CHTF18: variants seen among roughly 807,000 people sequenced by gnomAD.
The protein encoded by CHTF18 is chromosome transmission fidelity factor 18.
In CHTF18, 151 loss-of-function variants were observed where a neutral mutation model predicts 113.4. The observed-to-expected ratio is 1.33, with a 90% CI of 1.17 to 1.52. The LOEUF (loss-of-function observed/expected upper bound fraction) is 1.52, where lower values mean the gene tolerates loss of function less well. Among genes scored for constraint, CHTF18 ranks in the 40% most tolerant of loss-of-function variants. CHTF18 has a pLI of 0.00. For missense variants in CHTF18, 1,982 were observed against 1,381.6 expected (o/e 1.43, Z -6.89); for synonymous variants, 916 against 598.8 (o/e 1.53, Z -7.74).
At chr16:795,898 C>T (rs1314628862) in intron 17 of CHTF18, 49 bp from the exon 18 acceptor site, 1 of 1,602,856 alleles carries the variant, frequency 6.2e-7, no homozygotes, top group Non-Finnish European at 8.5e-7. Flanking sequence ...GGTGAGCACA[C>T]ATTTGTACAG....
chr16:795,333 A>C lies in CHTF18; in HGVS notation c.2152A>C (p.Thr718Pro). 6.5e-7 allele frequency: 1 copy of C among 1,545,944 alleles called. No homozygotes were observed. Among genetic ancestry groups the C allele is most frequent in the Non-Finnish European group, 8.7e-7 (1 of 1,146,042 alleles). ...TGCTTCCAGCCACACACCCAGGATCACCTTCCCCAGCAGCCAGCAGGAGGT... is the reference window on the plus strand; with the variant it reads ...TGCTTCCAGCCACACACCCAGGATCCCCTTCCCCAGCAGCCAGCAGGAGGT... ...LFASSHTPRI[T>P]FPSSQQEAQN... Residue 718 changes from threonine to proline, a missense_variant, in exon 16 of 22, where the codon ACC becomes CCC. Physicochemically the swap from Thr to Pro is conservative, Grantham distance 38. Transcript: ENST00000262315.
In CHTF18 at chr16:789,624, C is replaced by G. The variant is rs377536379; in HGVS notation, c.515C>G (p.Pro172Arg). ...CGCAATCCCGTCCTGAGGCGGCCCC[C>G]CATCTTGGAGGACTACGTCCACGTG... ...AARNPVLRRP[P>R]ILEDYVHVTS... The change falls in exon 4 of 22, where the codon CCC becomes CGC. Residue 172 changes from proline to arginine, a missense_variant. Coordinates refer to ENST00000262315, the MANE Select transcript of CHTF18 (RefSeq NM_022092.3). The G allele has an allele frequency of 1.7e-5, 28 of 1,608,520 alleles. No homozygotes were observed. In the African/African-American group the frequency reaches 2.8e-4, roughly 16 times the overall value.
intron 20 of CHTF18, among the ~76,000 whole-genome samples, chr16:797,303 G>A (rs1033878296): frequency 2.0e-5 from 3 of 151,728 alleles, no homozygotes; most frequent in Non-Finnish European, 4.4e-5. Context: ...CTTTAGGGGT[G>A]GGGCCAAGGC....
chr16:795,443 GC>G (rs1266867987), intron 16 of CHTF18, 87 bp downstream of exon 16: 3 of 335,832 alleles, frequency 8.9e-6, no homozygotes, highest in Admixed American at 6.3e-5. Flanking sequence ...CCCCGTGCCC[GC>G]CCCCCCAAAC....
chr16:796,940 C>T, intron 19 of CHTF18, 21 bp from the exon 20 acceptor site: 4 of 1,529,834 alleles, frequency 2.6e-6, no homozygotes, highest in Non-Finnish European at 2.6e-6. Flanking sequence ...GGCCAGATCT[C>T]ACAATGCCTG....
intron 15 of CHTF18, 138 bp from the exon 16 acceptor site, chr16:794,994 C>G (rs1030164752): frequency 2.9e-6 from 2 of 679,984 alleles, no homozygotes; most frequent in Admixed American, 2.7e-5. Flanking sequence ...GTCGTGGGGA[C>G]CCTTGTGGAG....
At position 788,982 on chromosome 16, in the gene CHTF18, C is replaced by T; in HGVS notation, c.143C>T (p.Pro48Leu). ...SGVPLFTAGR[P>L]PRTFEEALAR... Reference sequence around the variant, plus strand: ...GTCCCCCTGTTCACCGCGGGCCGACCCCCGCGGACGTTCGAGGAGGCCCTT... The same window carrying T: ...GTCCCCCTGTTCACCGCGGGCCGACTCCCGCGGACGTTCGAGGAGGCCCTT... The change falls in exon 2 of 22, where the codon CCC becomes CTC. Residue 48 changes from proline to leucine, a missense_variant. Physicochemically the swap from Pro to Leu is moderately conservative, Grantham distance 98. Coordinates refer to ENST00000262315, the MANE Select transcript of CHTF18 (RefSeq NM_022092.3). 6.4e-7 allele frequency: 1 copy of T among 1,564,908 alleles called. No individual in the cohort carries two copies. Among genetic ancestry groups the T allele is most frequent in the Non-Finnish European group, 8.6e-7 (1 of 1,162,072 alleles).
At chr16:793,415 C>T (rs2042255735) in intron 14 of CHTF18, 141 bp downstream of exon 14, 12 of 1,099,494 alleles carry the variant, frequency 1.1e-5, no homozygotes, top group South Asian at 3.1e-5. Flanking sequence ...GCCTCCAGGG[C>T]CCTCCTCAGC....
At chr16:790,911 A>G in intron 7 of CHTF18, 6 of 1,431,926 alleles carry the variant, frequency 4.2e-6, no homozygotes, top group South Asian at 1.5e-5. Context: ...TCCCTTTCCT[A>G]CCTTCACAGC....
chr16:788,886 A>G, intron 1 of CHTF18, 45 bp from the exon 2 acceptor site: 1 of 1,505,734 alleles, frequency 6.6e-7, no homozygotes. Flanking sequence ...CGCTGGCGGG[A>G]TCTGCTGTCT....
intron 14 of CHTF18, 192 bp from the exon 15 acceptor site, chr16:793,862 A>G: frequency 1.5e-6 from 1 of 660,378 alleles, no homozygotes; most frequent in East Asian, 2.7e-5. Flanking sequence ...CCTCGGCTTA[A>G]GGGAATGTTT....
chr16:790,851 C>G (rs1279213045), intron 7 of CHTF18, 185 bp downstream of exon 7: 2 of 1,431,480 alleles, frequency 1.4e-6, no homozygotes, highest in African/African-American at 1.4e-5. Context: ...TCCCCTGTGA[C>G]CTGTGAGGCA....
chr16:791,500 C>CATTA, intron 8 of CHTF18, 130 bp downstream of exon 8: 1 of 1,444,174 alleles, frequency 6.9e-7, no homozygotes, highest in Middle Eastern at 2.6e-4. Context: ...CGTGAAGCGC[C>CATTA]ATTAGCGTGA....
intron 8 of CHTF18, 23 bp downstream of exon 8, chr16:791,393 C>A (rs772511994): frequency 7.0e-6 from 11 of 1,578,756 alleles, no homozygotes; most frequent in Middle Eastern, 2.1e-4. Flanking sequence ...GGCTGTGCCG[C>A]CGGGAACAAG....
intron 12 of CHTF18, 67 bp from the exon 13 acceptor site, chr16:792,899 G>C: frequency 6.5e-7 from 1 of 1,533,394 alleles, no homozygotes; most frequent in Non-Finnish European, 8.8e-7. Context: ...CCCTCCCCAT[G>C]GAACCCTGGT....
chr16:789,484 C>T (rs764027978), intron 3 of CHTF18, 63 bp from the exon 4 acceptor site: 198 of 1,544,330 alleles, frequency 1.3e-4, no homozygotes, highest in Non-Finnish European at 1.7e-4. Context: ...CAGTCTCGGA[C>T]ACCCATATCC....
chr16:796,928 G>T (rs1283041676), intron 19 of CHTF18, 33 bp from the exon 20 acceptor site: 1 of 1,534,660 alleles, frequency 6.5e-7, no homozygotes, highest in Non-Finnish European at 8.8e-7. Flanking sequence ...GTATCCCTGT[G>T]TGGCCAGATC....
chr16:797,161 T>C, intron 20 of CHTF18, 69 bp downstream of exon 20: 2 of 1,437,654 alleles, frequency 1.4e-6, no homozygotes, highest in Non-Finnish European at 1.8e-6. Flanking sequence ...AGGGCAGTCA[T>C]GAGGCGGGGC....
In CHTF18 at chr16:792,958, T is replaced by A; in HGVS notation, c.1573-8T>A. On this transcript the variant is annotated splice_region_variant and splice_polypyrimidine_tract_variant and intron_variant, in intron 12 of 21. Coordinates refer to ENST00000262315, the MANE Select transcript of CHTF18 (RefSeq NM_022092.3). ...CCATCGGGCCCTCCAGCAGCCCTTC[T>A]CCACCAGGTCTCCCTGCGGCAGGGC... 7 of 1,553,122 alleles carry A rather than the reference T, an allele frequency of 4.5e-6. No homozygotes were observed. The highest frequency in any genetic ancestry group is 6.1e-6 in the Non-Finnish European group (7 of 1,148,720).
Sources: allele counts gnomAD v4.1 joint callset (sites outside exome capture counted in the v4.1 genomes callset), GRCh38; gene constraint gnomAD v4.1.1; transcripts MANE v1.5; gene names NCBI Gene and HGNC (gene_info 2026-07-23, HGNC 2026-07-21).